Variants in COMP observed in about 807,000 individuals in gnomAD.
The protein encoded by COMP is cartilage oligomeric matrix protein (pseudoachondroplasia, epiphyseal dysplasia 1, multiple).
COMP carries 79 observed loss-of-function variants against 95.8 expected under a neutral mutation model. The ratio of observed to expected loss-of-function variants is 0.82; its 90% confidence interval spans 0.69 to 0.99. COMP has a LOEUF of 0.99. Ranked by LOEUF, COMP falls within the 50% of genes least tolerant of loss-of-function variation. COMP has a pLI of 0.00. For synonymous variants in COMP, 438 were observed against 433.9 expected (o/e 1.01, Z -0.12); for missense variants, 906 against 1,076.1 (o/e 0.84, Z 2.21).
At position 18,789,976 on chromosome 19, in the gene COMP, G is replaced by A. The variant is rs1292218782; in HGVS notation, c.356C>T (p.Thr119Met). Residue 119 changes from threonine (T) to methionine (M), a missense_variant, in exon 4 of 19, where the codon ACG becomes ATG. By Grantham distance (81) the Thr-to-Met change is moderately conservative (BLOSUM62 -1). Coordinates refer to ENST00000222271, the MANE Select transcript of COMP (RefSeq NM_000095.3). This position sits in a 1 kb window ranked among gnomAD's most constrained non-coding sequence, Gnocchi z 6.1. ...GTCGGTGCAGTGCGAGCCGTTGCCC[G>A]TGAAGCCCGCGGGGCAGGGGCCGCA... Reference protein sequence around the residue: ...ARCGPCPAGFTGNGSHCTDVN... With the variant: ...ARCGPCPAGFMGNGSHCTDVN... The A allele has an allele frequency of 5.0e-6, 8 of 1,595,314 alleles. No homozygotes were observed. In the Admixed American group the frequency reaches 6.7e-5, roughly 13 times the overall value.
At chr19:18,787,742 C>A in intron 9 of COMP, 92 bp from the exon 10 acceptor site, 1 of 1,559,930 alleles carries the variant, frequency 6.4e-7, no homozygotes, top group Non-Finnish European at 8.7e-7. Context: ...CGCGTCTCCT[C>A]CTCAAGGAAC....
chr19:18,789,990 G>T lies in COMP; in HGVS notation c.342C>A (p.Cys114Ter). Residue 114 changes from cysteine (C) to a stop codon, truncating the protein, a stop_gained, in exon 4 of 19, where the codon TGC (cysteine) becomes TGA (stop). Coordinates refer to ENST00000222271, the MANE Select transcript of COMP (RefSeq NM_000095.3). LOFTEE classifies it high-confidence loss of function. This position sits in a 1 kb window ranked among gnomAD's most constrained non-coding sequence, Gnocchi z 6.1. ...AGCCGTTGCCCGTGAAGCCCGCGGG[G>T]CAGGGGCCGCAGCGCGCGCCGCTCT... ...QTESGARCGP[C>*]PAGFTGNGSH... The T allele has an allele frequency of 6.3e-7, 1 of 1,592,494 alleles. No homozygotes were observed. Among genetic ancestry groups the T allele is most frequent in the Non-Finnish European group, 8.5e-7 (1 of 1,176,600 alleles).
rs1438922618 is a variant in COMP at position 18,788,881 on chromosome 19, C to T, written c.561G>A (p.Gly187=). The T allele has an allele frequency of 6.2e-7, 1 of 1,613,800 alleles. No individual in the cohort carries two copies. Among genetic ancestry groups the T allele is most frequent in the Non-Finnish European group, 8.5e-7 (1 of 1,179,988 alleles). Residue 187 remains glycine (G), a synonymous_variant, in exon 6 of 19, where the codon GGG becomes GGA. Transcript: ENST00000222271. The surrounding 1 kb of genome is among the most constrained non-coding windows in gnomAD (Gnocchi z 4.7). ...VCTDINECET[G]QHNCVPNSVC... ...CGGAGTTGGGGACGCAGTTATGTTGCCCGGTCTCACACTCGTTGATGTCCG... is the reference window on the plus strand; with the variant it reads ...CGGAGTTGGGGACGCAGTTATGTTGTCCGGTCTCACACTCGTTGATGTCCG...
intron 3 of COMP, 63 bp downstream of exon 3, chr19:18,790,499 G>GTC (rs2145905354): frequency 6.3e-7 from 1 of 1,595,770 alleles, no homozygotes; most frequent in East Asian, 2.2e-5. Context: ...CTGGCTCTCT[G>GTC]TCTCTGTCTC....
At chr19:18,791,070 C>A (rs992662914) in intron 1 of COMP, 121 bp downstream of exon 1, 1 of 1,497,004 alleles carries the variant, frequency 6.7e-7, no homozygotes. Flanking sequence ...CTGCTTTCTG[C>A]GCCCGGCACG....
Position 18,782,868 on chromosome 19 carries a change from A to C in COMP, c.*47T>G, listed in dbSNP as rs1275966094. The C allele has an allele frequency of 1.2e-6, 2 of 1,603,028 alleles. No homozygotes were observed. The highest frequency in any genetic ancestry group is 2.2e-5 in the South Asian group (2 of 90,928). Reference sequence around the variant, plus strand: ...GGGGCTGGGTGCAGAGCCCCCATCCAGCCGCGGTGAGGGTGGCTGTCATCC... The same window carrying C: ...GGGGCTGGGTGCAGAGCCCCCATCCCGCCGCGGTGAGGGTGGCTGTCATCC... On this transcript the variant is annotated 3_prime_UTR_variant, in exon 19 of 19. Coordinates refer to ENST00000222271, the MANE Select transcript of COMP (RefSeq NM_000095.3).
Position 18,790,620 on chromosome 19 carries a change from G to A in COMP, c.166-7C>T. ...GGAACGTGATCTCCCTGACCTGCAG[G>A]GGTGGGATGGAATCAGCGGGGTCCC... On this transcript the variant is annotated splice_region_variant and splice_polypyrimidine_tract_variant and intron_variant, in intron 2 of 18. Transcript: ENST00000222271. 6.2e-7 allele frequency: 1 copy of A among 1,613,878 alleles called. No homozygotes were observed. Among genetic ancestry groups the A allele is most frequent in the Non-Finnish European group, 8.5e-7 (1 of 1,179,864 alleles).
In COMP at chr19:18,791,074, C is replaced by T. The variant is rs2055210011; in HGVS notation, c.79+117G>A. 4.0e-6 allele frequency: 6 copies of T among 1,498,704 alleles called. No homozygotes were observed. In the East Asian group the frequency reaches 1.5e-4, roughly 37 times the overall value. 92.8% of individuals were successfully genotyped at this position (1,498,704 alleles called of 1,614,324 possible). On this transcript the variant is annotated intron_variant, in intron 1 of 18. Transcript: ENST00000222271. ...GGTCCCGCCACCTGCTTTCTGCGCCCGGCACGTCCCCTACGAACAGTCCGT... is the reference window on the plus strand; with the variant it reads ...GGTCCCGCCACCTGCTTTCTGCGCCTGGCACGTCCCCTACGAACAGTCCGT...
At chr19:18,787,867 TTTCTTTCTTTCTTTCTTTCTTTCTTTC>T in intron 9 of COMP, among the ~76,000 whole-genome samples, 1 of 111,442 alleles carries the variant, frequency 9.0e-6, no homozygotes, top group Non-Finnish European at 1.8e-5. Flanking sequence ...TCTTTTTCTC[TTTCTTTCTTTCTTTCTTTCTTTCTTTC>T]TTTCTTTCTT....
rs1459116816 is a variant in COMP at position 18,788,796 on chromosome 19, C to A, written c.603+43G>T. On this transcript the variant is annotated intron_variant, in intron 6 of 18. Transcript: ENST00000222271. The surrounding 1 kb of genome is among the most constrained non-coding windows in gnomAD (Gnocchi z 4.7). ...GTCAGCGCAGGCCGCCCGCCGCTCG[C>A]CCCACCTCCCGCGATCCTTTCTTCC... The A allele has an allele frequency of 3.1e-6, 5 of 1,609,864 alleles. No individual in the cohort carries two copies. The African/African-American group carries it at 5.3e-5, about 17-fold the overall frequency.
chr19:18,790,911 A>C lies in COMP; in HGVS notation c.104T>G (p.Leu35Arg). ...CGCGTTGGTTTCCTGCAGTTCCCGA[A>C]GCATCTGCGGGCCCAGGTCTGAGCC... Reference protein sequence around the residue: ...PLGSDLGPQMLRELQETNAAL... With the variant: ...PLGSDLGPQMRRELQETNAAL... The change falls in exon 2 of 19, where the codon CTT (leucine) becomes CGT (arginine). Residue 35 changes from leucine to arginine, a missense_variant. Coordinates refer to ENST00000222271, the MANE Select transcript of COMP (RefSeq NM_000095.3). 1 of 1,568,350 alleles carries C rather than the reference A, an allele frequency of 6.4e-7. No homozygotes were observed. The highest frequency in any genetic ancestry group is 8.6e-7 in the Non-Finnish European group (1 of 1,157,576).
chr19:18,788,698 G>A lies in COMP; in HGVS notation c.656C>T (p.Ser219Phe), dbSNP rs1219676599. ...CQPGFVGDQA[S>F]GCQRRAQRFC... ...GCGCTGTGCGCGCCGCTGGCAGCCG[G>A]ACGCCTGGTCGCCCACGAAGCCGGG... The change falls in exon 7 of 19, where the codon TCC becomes TTC. Residue 219 changes from serine (S) to phenylalanine (F), a missense_variant. Ser to Phe is a radical substitution (Grantham distance 155). Transcript: ENST00000222271. The surrounding 1 kb of genome is among the most constrained non-coding windows in gnomAD (Gnocchi z 4.7). The A allele has an allele frequency of 6.5e-7, 1 of 1,541,232 alleles. No homozygotes were observed. The highest frequency in any genetic ancestry group is 8.7e-7 in the Non-Finnish European group (1 of 1,144,808).
At chr19:18,787,864 C>CTTTTTCTCTTTCTT (rs56093208) in intron 9 of COMP, among the ~76,000 whole-genome samples, 73 of 108,876 alleles carry the variant, frequency 6.7e-4, no homozygotes, top group Admixed American at 1.1e-3. Flanking sequence ...TTTTCTTTTT[C>CTTTTTCTCTTTCTT]TCTTTCTTTC....
intron 15 of COMP, 84 bp downstream of exon 15, chr19:18,785,414 A>C (rs1268554367): frequency 1.8e-6 from 2 of 1,109,458 alleles, no homozygotes; most frequent in Non-Finnish European, 2.3e-6. Flanking sequence ...GGCCCCGCCC[A>C]TTCTCAGCCC....
In COMP at chr19:18,785,004, G is replaced by A. The variant is rs764842092; in HGVS notation, c.1806C>T (p.Gly602=). 8.1e-6 allele frequency: 13 copies of A among 1,614,104 alleles called. No individual in the cohort carries two copies. The South Asian group carries it at 1.2e-4, about 15-fold the overall frequency. ...TDDDYAGFIF[G]YQDSSSFYVV... ...CGTAGAAGCTGGAGCTGTCCTGGTAGCCAAAGATGAAGCCCGCATAGTCGT... is the reference window on the plus strand; with the variant it reads ...CGTAGAAGCTGGAGCTGTCCTGGTAACCAAAGATGAAGCCCGCATAGTCGT... Residue 602 remains glycine (G), a synonymous_variant, in exon 16 of 19, where the codon GGC becomes GGT. Coordinates refer to ENST00000222271, the MANE Select transcript of COMP (RefSeq NM_000095.3).
Position 18,789,429 on chromosome 19 carries a change from T to A in COMP, c.391-132A>T. On this transcript the variant is annotated intron_variant, in intron 4 of 18. Transcript: ENST00000222271. This position sits in a 1 kb window ranked among gnomAD's most constrained non-coding sequence, Gnocchi z 6.1. ...CTTGGAGCTCTGAGATGGAAGCAAT[T>A]GTCGCAGGGGTCAGGCACGACTTTG... 1 of 1,026,264 alleles carries A rather than the reference T, an allele frequency of 9.7e-7. No homozygotes were observed. Among genetic ancestry groups the A allele is most frequent in the Non-Finnish European group, 1.4e-6 (1 of 737,162 alleles). 63.6% of individuals were successfully genotyped at this position (1,026,264 alleles called of 1,614,324 possible).
intron 3 of COMP, 74 bp from the exon 4 acceptor site, chr19:18,790,188 GC>G (rs2055202548): frequency 4.2e-6 from 5 of 1,194,782 alleles, no homozygotes; most frequent in Admixed American, 2.5e-5. Context: ...TCATGGCCAC[GC>G]CCCGGGGCTG....
Position 18,790,544 on chromosome 19 carries a change from C to T in COMP, c.217+18G>A, listed in dbSNP as rs1332415814. Reference sequence around the variant, plus strand: ...GTCTCCCGTCTCTTCTCTCTCCCGACCGCCCCGCCGCGCTCACCGCACGCG... The same window carrying T: ...GTCTCCCGTCTCTTCTCTCTCCCGATCGCCCCGCCGCGCTCACCGCACGCG... On this transcript the variant is annotated intron_variant, in intron 3 of 18. Coordinates refer to ENST00000222271, the MANE Select transcript of COMP (RefSeq NM_000095.3). 6.2e-7 allele frequency: 1 copy of T among 1,613,554 alleles called. No homozygotes were observed. The highest frequency in any genetic ancestry group is 1.3e-5 in the African/African-American group (1 of 74,880).
intron 17 of COMP, among the ~76,000 whole-genome samples, chr19:18,783,609 G>A (rs1297630963): frequency 6.9e-6 from 1 of 144,236 alleles, no homozygotes; most frequent in South Asian, 2.2e-4. Context: ...ACCATGCCTG[G>A]CATTTTTTTT....
Sources: allele counts gnomAD v4.1 joint callset (sites outside exome capture counted in the v4.1 genomes callset), GRCh38; gene constraint gnomAD v4.1.1; non-coding constraint Gnocchi (gnomAD v3.1); transcripts MANE v1.5; gene names NCBI Gene and HGNC (gene_info 2026-07-23, HGNC 2026-07-21).